Variants in IQCM observed in about 807,000 individuals in gnomAD.
IQCM encodes the protein IQ domain-containing protein M.
In IQCM, 45 loss-of-function variants were observed where a neutral mutation model predicts 57.6. That is an observed-to-expected ratio of 0.78 (90% confidence interval 0.62 to 1.00). The LOEUF is 1.00. IQCM is among the 50% of genes least tolerant of loss of function. The pLI is 0.00. For synonymous variants in IQCM, 148 were observed against 158.9 expected (o/e 0.93, Z 0.51); for missense variants, 468 against 511.6 (o/e 0.91, Z 0.82).
chr4:149,692,901 G>C (rs1763043463), intron 5 of IQCM, among the ~76,000 whole-genome samples: 1 of 151,846 alleles, frequency 6.6e-6, no homozygotes, highest in South Asian at 2.1e-4. Context: ...GGAGACCAGG[G>C]CAAAAAAACA....
chr4:149,360,254 A>C (rs1729376442), intron 13 of IQCM, among the ~76,000 whole-genome samples: 1 of 152,214 alleles, frequency 6.6e-6, no homozygotes, highest in Non-Finnish European at 1.5e-5. Context: ...CACTATAACA[A>C]TAAAAAGCAA....
chr4:149,796,008 G>A (rs1419459625), intron 2 of IQCM, among the ~76,000 whole-genome samples: 1 of 152,190 alleles, frequency 6.6e-6, no homozygotes, highest in African/African-American at 2.4e-5. Flanking sequence ...GCCAGCTATG[G>A]TGGCCCTGGG....
chr4:149,379,963 A>G, intron 13 of IQCM, among the ~76,000 whole-genome samples: 1 of 152,080 alleles, frequency 6.6e-6, no homozygotes, highest in Non-Finnish European at 1.5e-5. Flanking sequence ...GGTGGTGAAT[A>G]AGTCTCATGA....
At chr4:149,357,047 G>C (rs1179281486) in intron 13 of IQCM, among the ~76,000 whole-genome samples, 2 of 152,080 alleles carry the variant, frequency 1.3e-5, no homozygotes, top group African/African-American at 4.8e-5. Context: ...CTCTCTGTTT[G>C]TCTGTTATTG....
intron 12 of IQCM, among the ~76,000 whole-genome samples, chr4:149,436,755 T>A (rs998038067): frequency 6.6e-6 from 1 of 152,082 alleles, no homozygotes; most frequent in Non-Finnish European, 1.5e-5. Context: ...CATAAGGGAT[T>A]TAGATGTAGC....
chr4:149,459,009 T>G (rs2149707093), intron 12 of IQCM, among the ~76,000 whole-genome samples: 1 of 152,264 alleles, frequency 6.6e-6, no homozygotes, highest in East Asian at 1.9e-4. Context: ...CACCACTAGG[T>G]TATAGTGCAG....
intron 12 of IQCM, among the ~76,000 whole-genome samples, chr4:149,510,560 C>T (rs1035955181): frequency 2.6e-5 from 4 of 152,078 alleles, no homozygotes; most frequent in Non-Finnish European, 4.4e-5. Flanking sequence ...CATCATGAGA[C>T]ATTTGTTAAA....
At chr4:149,734,828 C>T (rs549435257) in intron 4 of IQCM, among the ~76,000 whole-genome samples, 6 of 152,048 alleles carry the variant, frequency 3.9e-5, no homozygotes, top group South Asian at 2.1e-4. Flanking sequence ...TTCTCACTTT[C>T]GAAATATATG....
chr4:149,419,561 C>T (rs886349976), intron 13 of IQCM, among the ~76,000 whole-genome samples: 1 of 152,044 alleles, frequency 6.6e-6, no homozygotes. Flanking sequence ...CTAGGCAATA[C>T]CATTCAGGAC....
At chr4:149,655,688 T>G (rs541746222) in intron 7 of IQCM, among the ~76,000 whole-genome samples, 16 of 152,246 alleles carry the variant, frequency 1.1e-4, no homozygotes, top group Non-Finnish European at 2.2e-4. Flanking sequence ...TAAGAATGAT[T>G]GAAAATGCAA....
chr4:149,589,168 G>A (rs1362596924), intron 8 of IQCM, among the ~76,000 whole-genome samples: 1 of 151,906 alleles, frequency 6.6e-6, no homozygotes, highest in African/African-American at 2.4e-5. Context: ...GTATAAAATA[G>A]CTTTTAAAAA....
intron 4 of IQCM, among the ~76,000 whole-genome samples, chr4:149,734,539 C>T (rs1766753196): frequency 6.6e-6 from 1 of 152,142 alleles, no homozygotes; most frequent in Admixed American, 6.6e-5. Flanking sequence ...TTAGAATCCT[C>T]CTCCCCATCT....
intron 2 of IQCM, among the ~76,000 whole-genome samples, chr4:149,763,199 C>T (rs901433373): frequency 6.6e-6 from 1 of 151,862 alleles, no homozygotes; most frequent in Non-Finnish European, 1.5e-5. Context: ...GCATATTATA[C>T]CAACTAGTGT....
At position 149,811,168 on chromosome 4, in the gene IQCM, T is replaced by C. The variant is rs117134224; in HGVS notation, c.-49+4143A>G. ...TGCTTGAACTGAAATATCTTTCAAGTCTACCAAGGACACAACTACATTGCA... is the reference window on the plus strand; with the variant it reads ...TGCTTGAACTGAAATATCTTTCAAGCCTACCAAGGACACAACTACATTGCA... On this transcript the variant is annotated intron_variant, in intron 2 of 13. Transcript: ENST00000636793. 2.0e-5 allele frequency among the ~76,000 whole-genome samples: 3 copies of C among 152,306 alleles called. No individual in the cohort carries two copies. In the East Asian group the frequency reaches 5.8e-4, roughly 29 times the overall value.
At chr4:149,621,796 C>T (rs1409109086) in intron 7 of IQCM, among the ~76,000 whole-genome samples, 4 of 152,082 alleles carry the variant, frequency 2.6e-5, no homozygotes, top group African/African-American at 9.7e-5. Context: ...AAGATTTCTA[C>T]AGAAACCATT....
chr4:149,643,106 G>GACATAGGTTA (rs1345525990), intron 7 of IQCM, among the ~76,000 whole-genome samples: 1 of 151,870 alleles, frequency 6.6e-6, no homozygotes, highest in Admixed American at 6.6e-5. Context: ...TACTTAACCA[G>GACATAGGTTA]ACATAGGAAC....
At chr4:149,682,055 T>G (rs1040763650) in intron 7 of IQCM, 63 bp downstream of exon 7, 3 of 613,372 alleles carry the variant, frequency 4.9e-6, no homozygotes, top group East Asian at 3.5e-5. Flanking sequence ...GTTTTTGCAT[T>G]TAAATGAATG....
chr4:149,746,002 G>C (rs78682269), intron 2 of IQCM, among the ~76,000 whole-genome samples: 4 of 150,356 alleles, frequency 2.7e-5, no homozygotes, highest in Non-Finnish European at 4.4e-5. Context: ...ACAAGCCAAG[G>C]CTTTATCATG....
chr4:149,664,110 C>A (rs1366540242), intron 7 of IQCM, among the ~76,000 whole-genome samples: 1 of 152,064 alleles, frequency 6.6e-6, no homozygotes, highest in Non-Finnish European at 1.5e-5. Flanking sequence ...TTACTTCATT[C>A]ATTGAATTCT....
Sources: allele counts gnomAD v4.1 joint callset (sites outside exome capture counted in the v4.1 genomes callset), GRCh38; gene constraint gnomAD v4.1.1; transcripts MANE v1.5; gene names NCBI Gene and HGNC (gene_info 2026-07-23, HGNC 2026-07-21).